PACRG: variants seen among roughly 807,000 people sequenced by gnomAD.
The protein encoded by PACRG is parkin coregulated gene protein.
In PACRG, 29 loss-of-function variants were observed where a neutral mutation model predicts 29.7. The ratio of observed to expected loss-of-function variants is 0.98; its 90% confidence interval spans 0.73 to 1.33. The LOEUF (loss-of-function observed/expected upper bound fraction) is 1.33, where lower values mean the gene tolerates loss of function less well. Ranked by LOEUF, PACRG falls within the 40% of genes most tolerant of loss-of-function variation. The pLI, the probability that PACRG is intolerant of heterozygous loss-of-function variation, is 0.00. For synonymous variants in PACRG, 116 were observed against 118.7 expected (o/e 0.98, Z 0.15); for missense variants, 279 against 316.2 (o/e 0.88, Z 0.89).
At chr6:162,925,747 A>G (rs1487845484) in intron 2 of PACRG, among the ~76,000 whole-genome samples, 1 of 152,184 alleles carries the variant, frequency 6.6e-6, no homozygotes, top group Non-Finnish European at 1.5e-5. Flanking sequence ...GAAAACTGGA[A>G]CAAGACAAGG....
At chr6:163,287,705 C>T (rs192637001) in intron 4 of PACRG, among the ~76,000 whole-genome samples, 2 of 152,344 alleles carry the variant, frequency 1.3e-5, no homozygotes, top group East Asian at 3.9e-4. Context: ...CAGCCAGTCT[C>T]CTGCCAGATG....
intron 4 of PACRG, among the ~76,000 whole-genome samples, chr6:163,272,073 C>G (rs568119594): frequency 2.8e-5 from 4 of 144,606 alleles, no homozygotes; most frequent in Non-Finnish European, 3.0e-5. Flanking sequence ...GAGTCTCGCT[C>G]TCTCACCCAG....
rs534319309 is a variant in PACRG, at chr6:163,238,825, A to T, written c.614-76002A>T. Among the ~76,000 whole-genome samples, 964 of 152,348 alleles carry T rather than the reference A, an allele frequency of 6.3e-3. 10 individuals carry two copies. Among genetic ancestry groups the T allele is most frequent in the African/African-American group, 0.023 (937 of 41,576 alleles). On this transcript the variant is annotated intron_variant, in intron 4 of 4. Transcript: ENST00000366888. ...TTTCTCATGTAAAAGGCTCAAAAAA[A>T]TGGTGTCTCTTCTGTATTTCTATCA... is the stretch of plus-strand genomic sequence containing the variant.
intron 1 of PACRG, among the ~76,000 whole-genome samples, chr6:162,742,851 T>G (rs1403081286): frequency 6.6e-6 from 1 of 152,080 alleles, no homozygotes; most frequent in Non-Finnish European, 1.5e-5. Context: ...AAAGAAGATA[T>G]TCAAAGAATA....
At chr6:162,831,037 C>G (rs1026314215) in intron 2 of PACRG, among the ~76,000 whole-genome samples, 2 of 152,154 alleles carry the variant, frequency 1.3e-5, no homozygotes, top group Admixed American at 6.5e-5. Flanking sequence ...TAAAACCCAC[C>G]TCTTCTGTGA....
At chr6:162,820,692 T>C (rs1008370012) in intron 2 of PACRG, among the ~76,000 whole-genome samples, 7 of 152,218 alleles carry the variant, frequency 4.6e-5, no homozygotes, top group African/African-American at 7.2e-5. Flanking sequence ...AAAACTGATA[T>C]TGACTTTTGA....
At chr6:162,793,638 T>G (rs1251250459) in intron 1 of PACRG, among the ~76,000 whole-genome samples, 2 of 152,232 alleles carry the variant, frequency 1.3e-5, no homozygotes, top group East Asian at 3.9e-4. Flanking sequence ...ATAAAGCTGT[T>G]TGACAAATAT....
rs79277550 is a variant in PACRG, at chr6:163,198,171, C to T, written c.613+108763C>T. ...TAGCCTTGGACATGCATTAACCAAACGACTGGAACTAGTTATTCACTAAAG... is the reference window on the plus strand; with the variant it reads ...TAGCCTTGGACATGCATTAACCAAATGACTGGAACTAGTTATTCACTAAAG... On this transcript the variant is annotated intron_variant, in intron 4 of 4. Transcript: ENST00000366888. Among the ~76,000 whole-genome samples, 753 of 152,306 alleles carry T rather than the reference C, an allele frequency of 4.9e-3. 9 individuals are homozygous for T. Among genetic ancestry groups the T allele is most frequent in the African/African-American group, 0.017 (720 of 41,556 alleles).
intron 2 of PACRG, chr6:162,997,648 A>G: frequency 4.2e-6 from 1 of 240,892 alleles, no homozygotes; most frequent in Non-Finnish European, 8.3e-6. Flanking sequence ...AGATAAACTC[A>G]CTAGATTATT....
At chr6:163,061,953 C>T (rs1811132227) in intron 2 of PACRG, among the ~76,000 whole-genome samples, 197 bp from the exon 3 acceptor site, 1 of 152,088 alleles carries the variant, frequency 6.6e-6, no homozygotes, top group Admixed American at 6.6e-5. Flanking sequence ...GTCTAAAGGT[C>T]CATGATTTTA....
At chr6:162,876,488 G>C in intron 2 of PACRG, among the ~76,000 whole-genome samples, 1 of 152,152 alleles carries the variant, frequency 6.6e-6, no homozygotes, top group East Asian at 1.9e-4. Context: ...CTTCATGTTT[G>C]ATGGCCGCAT....
At chr6:163,019,434 C>T (rs1321912219) in intron 2 of PACRG, among the ~76,000 whole-genome samples, 1 of 152,136 alleles carries the variant, frequency 6.6e-6, no homozygotes, top group East Asian at 1.9e-4. Context: ...CAGCTCCGCT[C>T]GATTTGGATT....
At chr6:163,190,754 C>CA in intron 4 of PACRG, 1 of 292,046 alleles carries the variant, frequency 3.4e-6, no homozygotes, top group South Asian at 3.3e-5. Context: ...GGCTCTTTCT[C>CA]TTATACCAAA....
chr6:162,945,880 A>G (rs1049804241), intron 2 of PACRG, among the ~76,000 whole-genome samples: 1 of 152,122 alleles, frequency 6.6e-6, no homozygotes, highest in Non-Finnish European at 1.5e-5. Context: ...CTTCAAACAC[A>G]TGGAAATTAA....
intron 3 of PACRG, among the ~76,000 whole-genome samples, chr6:163,072,732 T>C (rs1490199121): frequency 2.0e-5 from 3 of 152,074 alleles, no homozygotes; most frequent in African/African-American, 7.2e-5. Context: ...CAAAAAACTA[T>C]TAGACCTAAT....
intron 4 of PACRG, among the ~76,000 whole-genome samples, chr6:163,171,735 G>A (rs1779096788): frequency 6.6e-6 from 1 of 152,200 alleles, no homozygotes; most frequent in Non-Finnish European, 1.5e-5. Flanking sequence ...CTGAAAAGAG[G>A]AGAAGAAACA....
intron 2 of PACRG, among the ~76,000 whole-genome samples, chr6:162,976,398 G>A (rs567414616): frequency 3.9e-5 from 6 of 152,290 alleles, no homozygotes; most frequent in African/African-American, 1.4e-4. Context: ...AGGTGGGAGG[G>A]AGATAGAAAT....
chr6:162,881,325 TTCATGTCTAAGTCCTACATGCA>T (rs1793821368), intron 2 of PACRG, among the ~76,000 whole-genome samples: 1 of 152,134 alleles, frequency 6.6e-6, no homozygotes, highest in Non-Finnish European at 1.5e-5. Flanking sequence ...AGGCCTAGCT[TTCATGTCTAAGTCCTACATGCA>T]CCCACGCAAA....
intron 4 of PACRG, chr6:163,245,219 G>T: frequency 1.7e-5 from 4 of 236,408 alleles, no homozygotes; most frequent in African/African-American, 2.3e-5. Flanking sequence ...AGTTTATTAT[G>T]GCTTTATCTT....
Sources: gnomAD v4.1 joint callset for allele counts (sites outside exome capture counted in the v4.1 genomes callset) on GRCh38, gnomAD v4.1.1 for gene constraint, MANE v1.5 for transcripts, NCBI Gene and HGNC (gene_info 2026-07-23, HGNC 2026-07-21) for gene names.